The following BRINP1 variants were observed in gnomAD, a reference collection of about 807,000 sequenced individuals.
BRINP1 encodes the protein BMP/retinoic acid-inducible neural-specific protein 1.
A neutral mutation model predicts 72.9 loss-of-function variants in BRINP1; 17 were observed. That is an observed-to-expected ratio of 0.23 (90% CI 0.16 to 0.35). The LOEUF (loss-of-function observed/expected upper bound fraction) is 0.35, where lower values mean the gene tolerates loss of function less well. BRINP1 is among the 10% of genes least tolerant of loss of function. The probability of loss-of-function intolerance (pLI) is 1.00; values close to 1 mark genes in which losing one functional copy is unlikely to be tolerated. For missense variants in BRINP1, 850 were observed against 1,001.6 expected, an observed-to-expected ratio of 0.85 and a Z score of 2.04; for synonymous variants, 418 against 378.5, an observed-to-expected ratio of 1.10 and a Z score of -1.21.
At chr9:119,178,462 A>G (rs1165531803) in intron 7 of BRINP1, among the ~76,000 whole-genome samples, 2 of 152,246 alleles carry the variant, frequency 1.3e-5, no homozygotes, top group African/African-American at 4.8e-5. Flanking sequence ...GCAAATTGCA[A>G]TAATGAGGAA....
chr9:119,174,895 C>T (rs992015054), intron 7 of BRINP1, among the ~76,000 whole-genome samples: 2 of 149,702 alleles, frequency 1.3e-5, no homozygotes, highest in African/African-American at 2.5e-5. Context: ...CATATTCTCA[C>T]TCATAGGTGG....
At position 119,282,994 on chromosome 9, in the gene BRINP1, T is replaced by TC. The variant is rs1338960509; in HGVS notation, c.218+30143dup. 6 of 985,228 alleles carry TC rather than the reference T, an allele frequency of 6.1e-6. No homozygotes were observed. The African/African-American group carries it at 8.7e-5, about 14-fold the overall frequency. 61.0% of individuals were successfully genotyped at this position (985,228 alleles called of 1,614,324 possible). On this transcript the variant is annotated intron_variant, in intron 2 of 7. Coordinates refer to ENST00000265922, the MANE Select transcript of BRINP1 (RefSeq NM_014618.3). ...AAAGTTATCGCCCTCACTGACCACT[T>TC]CTTAGATTCCTTTTAAGCCTTTTCA...
intron 7 of BRINP1, among the ~76,000 whole-genome samples, chr9:119,189,887 A>G (rs975912939): frequency 6.6e-6 from 1 of 152,064 alleles, no homozygotes; most frequent in Admixed American, 6.6e-5. Flanking sequence ...TCTAGAGCAC[A>G]TGGTACATTC....
chr9:119,207,781 T>C (rs1259048867), intron 7 of BRINP1, among the ~76,000 whole-genome samples: 2 of 152,210 alleles, frequency 1.3e-5, no homozygotes, highest in Non-Finnish European at 2.9e-5. Flanking sequence ...GGACTTGTTC[T>C]TTTTAAGAGT....
At chr9:119,274,678 GA>G (rs1674479877) in intron 2 of BRINP1, among the ~76,000 whole-genome samples, 2 of 152,046 alleles carry the variant, frequency 1.3e-5, no homozygotes, top group African/African-American at 4.8e-5. Flanking sequence ...GTCAGCCCCA[GA>G]GACAAAATAA....
chr9:119,193,478 CAAAT>C (rs1046657353), intron 7 of BRINP1, among the ~76,000 whole-genome samples: 53 of 152,160 alleles, frequency 3.5e-4, no homozygotes, highest in African/African-American at 1.1e-3. Context: ...TACAAAATAA[CAAAT>C]AAGTAGGATG....
intron 5 of BRINP1, among the ~76,000 whole-genome samples, chr9:119,237,025 G>A (rs922395313): frequency 2.6e-5 from 4 of 152,116 alleles, no homozygotes; most frequent in African/African-American, 9.7e-5. Flanking sequence ...ACCACCTTCT[G>A]TAACGGGAGC....
intron 1 of BRINP1, among the ~76,000 whole-genome samples, chr9:119,343,860 C>A (rs898601823): frequency 6.6e-6 from 1 of 152,210 alleles, no homozygotes; most frequent in Admixed American, 6.5e-5. Flanking sequence ...CAGACCTCCA[C>A]GTGTTTACAT....
chr9:119,212,633 C>T (rs1168027672), intron 6 of BRINP1, among the ~76,000 whole-genome samples: 1 of 152,144 alleles, frequency 6.6e-6, no homozygotes, highest in Non-Finnish European at 1.5e-5. Context: ...TTTAAGGTGG[C>T]TATTATAACA....
intron 1 of BRINP1, among the ~76,000 whole-genome samples, chr9:119,323,552 T>C (rs543109964): frequency 7.2e-5 from 11 of 152,216 alleles, no homozygotes; most frequent in African/African-American, 2.6e-4. Flanking sequence ...CAGCTAAAGA[T>C]ACATTTTCCT....
In BRINP1 at chr9:119,242,158, A is replaced by G; in HGVS notation, c.468T>C (p.Asn156=). ...GCAGAGCTTCAACACTTTGAGTGGC[A>G]TTCCCTGACTTCCTGTCGAGGCGAC... The part of the protein sequence containing the change: ...DKSRLDRKSG[N]ATQSVEALHQ... Residue 156 remains asparagine (N), a synonymous_variant, in exon 4 of 8, where the codon AAT becomes AAC. Transcript: ENST00000265922. The G allele has an allele frequency of 6.2e-7, 1 of 1,614,178 alleles. No individual in the cohort carries two copies. Among genetic ancestry groups the G allele is most frequent in the Non-Finnish European group, 8.5e-7 (1 of 1,180,038 alleles).
intron 1 of BRINP1, among the ~76,000 whole-genome samples, chr9:119,323,790 T>G (rs183081050): frequency 6.6e-6 from 1 of 152,224 alleles, no homozygotes; most frequent in Non-Finnish European, 1.5e-5. Flanking sequence ...AGGTCAAGGT[T>G]AGCAAGATGG....
At chr9:119,293,009 C>T (rs999934494) in intron 2 of BRINP1, among the ~76,000 whole-genome samples, 1 of 152,112 alleles carries the variant, frequency 6.6e-6, no homozygotes, top group Admixed American at 6.5e-5. Flanking sequence ...ATATCGGGCA[C>T]TTTTTCTGTC....
chr9:119,314,749 T>C (rs892971547), intron 1 of BRINP1, among the ~76,000 whole-genome samples: 5 of 152,244 alleles, frequency 3.3e-5, no homozygotes, highest in Admixed American at 2.6e-4. Context: ...TCAGGTCATG[T>C]ATTTAACTTT....
chr9:119,169,631 A>C (rs1829375650), intron 7 of BRINP1, among the ~76,000 whole-genome samples: 1 of 152,236 alleles, frequency 6.6e-6, no homozygotes. Flanking sequence ...AGCCCACCAC[A>C]GCTCAAGGAG....
chr9:119,315,828 C>T (rs1362065006), intron 1 of BRINP1, among the ~76,000 whole-genome samples: 1 of 152,184 alleles, frequency 6.6e-6, no homozygotes, highest in Non-Finnish European at 1.5e-5. Flanking sequence ...AAAACAGTCA[C>T]AACATTCCCT....
chr9:119,288,099 C>T (rs1588192377), intron 2 of BRINP1, among the ~76,000 whole-genome samples: 1 of 152,148 alleles, frequency 6.6e-6, no homozygotes, highest in South Asian at 2.1e-4. Context: ...TATTATATTA[C>T]AGGATGGGAA....
At chr9:119,221,157 G>A (rs1239190489) in intron 5 of BRINP1, among the ~76,000 whole-genome samples, 2 of 152,078 alleles carry the variant, frequency 1.3e-5, no homozygotes, top group African/African-American at 4.8e-5. Flanking sequence ...ATCAGAATGT[G>A]CCCCCTGTAG....
chr9:119,193,158 C>T (rs902090747), intron 7 of BRINP1, among the ~76,000 whole-genome samples: 14 of 151,266 alleles, frequency 9.3e-5, no homozygotes, highest in African/African-American at 2.7e-4. Flanking sequence ...TTTTTTTTAT[C>T]GATAGTTGGT....
Sources: gnomAD v4.1 joint callset for allele counts (sites outside exome capture counted in the v4.1 genomes callset) on GRCh38, gnomAD v4.1.1 for gene constraint, MANE v1.5 for transcripts, NCBI Gene and HGNC (gene_info 2026-07-23, HGNC 2026-07-21) for gene names.